GGT5: variants seen among roughly 807,000 people sequenced by gnomAD.
The protein encoded by GGT5 is glutathione hydrolase 5 proenzyme.
In GGT5, 50 loss-of-function variants were observed where a neutral mutation model predicts 58.1. The ratio of observed to expected loss-of-function variants is 0.86; its 90% confidence interval spans 0.69 to 1.09. The LOEUF is 1.09. Among genes scored for constraint, GGT5 ranks in the 50% least tolerant of loss-of-function variants. The probability of loss-of-function intolerance (pLI) is 0.00; values close to 1 mark genes in which losing one functional copy is unlikely to be tolerated. For missense variants in GGT5, 800 were observed against 789.4 expected (o/e 1.01, Z -0.16); for synonymous variants, 370 against 346.1 (o/e 1.07, Z -0.77).
In GGT5 at chr22:24,244,739, A is replaced by G; in HGVS notation, c.-14T>C. ...GCCCCGGGCCATGGCTCTGCAGCCC[A>G]GGAGGAGAGGGGCGGCTGGTGGGCA... On this transcript the variant is annotated 5_prime_UTR_variant, in exon 1 of 12. Transcript: ENST00000327365. 1 of 1,596,366 alleles carries G rather than the reference A, an allele frequency of 6.3e-7. No individual in the cohort carries two copies. Among genetic ancestry groups the G allele is most frequent in the South Asian group, 1.1e-5 (1 of 90,290 alleles).
At chr22:24,234,043 C>A in intron 1 of GGT5, 39 bp from the exon 2 acceptor site, 2 of 1,560,546 alleles carry the variant, frequency 1.3e-6, no homozygotes, top group Non-Finnish European at 1.7e-6. Context: ...GGGCTCCCCT[C>A]CCCCTGCCTC....
At chr22:24,226,998 G>A (rs373131850) in intron 6 of GGT5, among the ~76,000 whole-genome samples, 2 of 148,356 alleles carry the variant, frequency 1.3e-5, no homozygotes, top group African/African-American at 5.0e-5. Flanking sequence ...GCCCAGGCTG[G>A]AGTGCAATGG....
Position 24,236,997 on chromosome 22 carries a change from T to C in GGT5, c.174-2993A>G, listed in dbSNP as rs188684508. The stretch of plus-strand genomic sequence containing the variant: ...AGAAATAGATCAGGGATTCTTTTTT[T>C]CTTTTCTCTCTTTTTTTTTTTTTTT... On this transcript the variant is annotated intron_variant, in intron 1 of 11. Transcript: ENST00000327365. 2.2e-3 allele frequency among the ~76,000 whole-genome samples: 327 copies of C among 147,482 alleles called. 2 individuals are homozygous for C. Among genetic ancestry groups the C allele is most frequent in the African/African-American group, 7.8e-3 (317 of 40,568 alleles).
rs375585789 is a variant in GGT5, at chr22:24,233,526, C to T, written c.372G>A (p.Gln124=). ...PASHAPSLLD[Q]CAQALPLGTG... ...TGCCCAGTGGCAGAGCCTGTGCACA[C>T]TGGTCCAGCAGGCTCGGGGCGTGGC... The change falls in exon 3 of 12, where the codon CAG becomes CAA. Residue 124 remains glutamine (Q), a synonymous_variant. Transcript: ENST00000327365. 9.3e-6 allele frequency: 15 copies of T among 1,608,760 alleles called. No homozygotes were observed. Among genetic ancestry groups the T allele is most frequent in the Non-Finnish European group, 1.3e-5 (15 of 1,178,662 alleles).
At chr22:24,224,556 C>A (rs1246900829) in intron 11 of GGT5, among the ~76,000 whole-genome samples, 1 of 151,838 alleles carries the variant, frequency 6.6e-6, no homozygotes, top group Non-Finnish European at 1.5e-5. Flanking sequence ...AAAATTACCA[C>A]CAATGCCCTA....
In GGT5 at chr22:24,234,012, A is replaced by T; in HGVS notation, c.174-8T>A. On this transcript the variant is annotated splice_polypyrimidine_tract_variant and splice_region_variant and intron_variant, in intron 1 of 11. Coordinates refer to ENST00000327365, the MANE Select transcript of GGT5 (RefSeq NM_004121.5). ...TGCTGCTGGAGGATGGCTCTAGGGG[A>T]CATGGCACAGAGTCGCTGTGGGGCT... is the stretch of plus-strand genomic sequence containing the variant. 1 of 1,601,578 alleles carries T rather than the reference A, an allele frequency of 6.2e-7. No homozygotes were observed. Among genetic ancestry groups the T allele is most frequent in the South Asian group, 1.1e-5 (1 of 89,576 alleles).
At chr22:24,234,568 C>T (rs1218155190) in intron 1 of GGT5, among the ~76,000 whole-genome samples, 7 of 152,174 alleles carry the variant, frequency 4.6e-5, no homozygotes, top group African/African-American at 1.4e-4. Flanking sequence ...GCCTATAATC[C>T]CTGCACTTTG....
intron 1 of GGT5, among the ~76,000 whole-genome samples, chr22:24,237,226 T>G (rs949806881): frequency 6.6e-6 from 1 of 151,856 alleles, no homozygotes; most frequent in Non-Finnish European, 1.5e-5. Context: ...GACCTACTCA[T>G]GTGCTGAGGG....
chr22:24,240,495 T>TC (rs1459573471), intron 1 of GGT5, among the ~76,000 whole-genome samples: 1 of 151,956 alleles, frequency 6.6e-6, no homozygotes, highest in East Asian at 1.9e-4. Context: ...GTATAACTTT[T>TC]TTTTTTTTTT....
At chr22:24,227,470 C>T (rs1229627173) in intron 6 of GGT5, among the ~76,000 whole-genome samples, 1 of 152,156 alleles carries the variant, frequency 6.6e-6, no homozygotes, top group African/African-American at 2.4e-5. Flanking sequence ...TGGTCTCCAA[C>T]TCCTGACCTC....
Position 24,240,425 on chromosome 22 carries a change from G to C in GGT5, c.173+4128C>G, listed in dbSNP as rs62232005. ...GTAAAACCCAATGCCTTTTATGTAA[G>C]GATACAGAAAGGTGGAAAATAATGA... On this transcript the variant is annotated intron_variant, in intron 1 of 11. Transcript: ENST00000327365. Among the ~76,000 whole-genome samples, 1,170 of 150,344 alleles carry C rather than the reference G, an allele frequency of 7.8e-3. 7 individuals carry two copies. Among genetic ancestry groups the C allele is most frequent in the South Asian group, 0.014 (65 of 4,774 alleles).
intron 3 of GGT5, 25 bp downstream of exon 3, chr22:24,233,473 G>C (rs772376760): frequency 1.4e-6 from 2 of 1,402,082 alleles, no homozygotes; most frequent in East Asian, 4.6e-5. Flanking sequence ...GGGGGTGGGA[G>C]TGGGGGACCT....
intron 2 of GGT5, 58 bp downstream of exon 2, chr22:24,233,816 G>T (rs111883736): frequency 3.1e-5 from 47 of 1,527,618 alleles, no homozygotes; most frequent in Non-Finnish European, 4.1e-5. Flanking sequence ...TGGAGAAGGG[G>T]TTACGCAGTG....
chr22:24,243,995 A>G (rs373069841), intron 1 of GGT5: 2 of 153,590 alleles, frequency 1.3e-5, no homozygotes, highest in African/African-American at 4.8e-5. Flanking sequence ...CCCTTCACCC[A>G]TGACCCTGGG....
At chr22:24,234,038 C>T in intron 1 of GGT5, 34 bp from the exon 2 acceptor site, 1 of 1,570,158 alleles carries the variant, frequency 6.4e-7, no homozygotes. Flanking sequence ...CTGTGGGGCT[C>T]CCCTCCCCCT....
Position 24,244,926 on chromosome 22 carries a change from G to A in GGT5, c.-201C>T, listed in dbSNP as rs2048434566. On this transcript the variant is annotated 5_prime_UTR_variant, in exon 1 of 12. Coordinates refer to ENST00000327365, the MANE Select transcript of GGT5 (RefSeq NM_004121.5). Reference sequence around the variant, plus strand: ...CAAAGAGGACAGTAAGAGAAAGATGGTCAGATAGACAATGGGACAGAGATG... The same window carrying A: ...CAAAGAGGACAGTAAGAGAAAGATGATCAGATAGACAATGGGACAGAGATG... 5.5e-6 allele frequency: 5 copies of A among 914,366 alleles called. No homozygotes were observed. Among genetic ancestry groups the A allele is most frequent in the Non-Finnish European group, 6.4e-6 (4 of 627,960 alleles). 56.6% of individuals were successfully genotyped at this position (914,366 alleles called of 1,614,324 possible).
Position 24,226,725 on chromosome 22 carries a change from C to T in GGT5, c.944G>A (p.Arg315Lys). The T allele has an allele frequency of 6.2e-7, 1 of 1,613,912 alleles. No homozygotes were observed. ...STESMARPEG[R>K]VNVYHHLVET... ...TACAAGGTGGTGGTACACGTTCACCCTCCCTTCAGGCCTGGCCATAGACTC... is the reference window on the plus strand; with the variant it reads ...TACAAGGTGGTGGTACACGTTCACCTTCCCTTCAGGCCTGGCCATAGACTC... The change falls in exon 7 of 12, where the codon AGG becomes AAG. Residue 315 changes from arginine (R) to lysine (K), a missense_variant. Arg to Lys is a conservative substitution (Grantham distance 26). Coordinates refer to ENST00000327365, the MANE Select transcript of GGT5 (RefSeq NM_004121.5).
chr22:24,229,883 C>T (rs1475015156), intron 6 of GGT5, among the ~76,000 whole-genome samples: 1 of 151,130 alleles, frequency 6.6e-6, no homozygotes, highest in Non-Finnish European at 1.5e-5. Context: ...GAAATCACCA[C>T]TAAATAACTT....
In GGT5 at chr22:24,220,384, T is replaced by C. The variant is rs535325726; in HGVS notation, c.1615-268A>G. 56 of 592,632 alleles carry C rather than the reference T, an allele frequency of 9.4e-5. No homozygotes were observed. In the East Asian group the frequency reaches 2.0e-3, roughly 21 times the overall value. 36.7% of individuals were successfully genotyped at this position (592,632 alleles called of 1,614,324 possible). A position where few individuals can be genotyped will look rare whatever the true frequency, so the allele number is the denominator to read the frequency against. Reference sequence around the variant, plus strand: ...AATGCAAGTTCATGTCTGTTCTGGATCCAAGGACACCAGGGCCTTGAGGTG... The same window carrying C: ...AATGCAAGTTCATGTCTGTTCTGGACCCAAGGACACCAGGGCCTTGAGGTG... On this transcript the variant is annotated intron_variant, in intron 11 of 11. Transcript: ENST00000327365.
Sources: gnomAD v4.1 joint callset for allele counts (sites outside exome capture counted in the v4.1 genomes callset) on GRCh38, gnomAD v4.1.1 for gene constraint, MANE v1.5 for transcripts, NCBI Gene and HGNC (gene_info 2026-07-23, HGNC 2026-07-21) for gene names.